The following CNTN4 variants were observed in gnomAD, a reference collection of about 807,000 sequenced individuals.
CNTN4 encodes contactin-4.
A neutral mutation model predicts 122.5 loss-of-function variants in CNTN4; 77 were observed. The observed-to-expected ratio is 0.63, with a 90% confidence interval of 0.52 to 0.76. CNTN4 has a LOEUF of 0.76. CNTN4 is among the 30% of genes least tolerant of loss of function. The pLI, the probability that CNTN4 is intolerant of heterozygous loss-of-function variation, is 0.00. For missense variants in CNTN4, 1,256 were observed against 1,259.1 expected, an observed-to-expected ratio of 1.00 and a Z score of 0.04; for synonymous variants, 512 against 447.0, an observed-to-expected ratio of 1.15 and a Z score of -1.83.
At chr3:2,352,207 C>T (rs894695937) in intron 3 of CNTN4, among the ~76,000 whole-genome samples, 3 of 151,924 alleles carry the variant, frequency 2.0e-5, no homozygotes, top group Non-Finnish European at 2.9e-5. Context: ...TGGCTAACAC[C>T]GTGAAACGCC....
intron 2 of CNTN4, among the ~76,000 whole-genome samples, chr3:2,191,361 T>C (rs979904661): frequency 6.6e-6 from 1 of 151,916 alleles, no homozygotes; most frequent in African/African-American, 2.4e-5. Flanking sequence ...CTGATCAGTA[T>C]AGCCCCTACA....
intron 2 of CNTN4, among the ~76,000 whole-genome samples, chr3:2,173,138 C>T (rs567609905): frequency 5.5e-4 from 84 of 152,250 alleles, no homozygotes; most frequent in African/African-American, 1.9e-3. Context: ...CAAAAGAGAA[C>T]AGAAATACAG....
intron 3 of CNTN4, among the ~76,000 whole-genome samples, chr3:2,342,646 G>T (rs2150376195): frequency 6.6e-6 from 1 of 152,238 alleles, no homozygotes; most frequent in East Asian, 1.9e-4. Flanking sequence ...AGTATTAGAA[G>T]GGTCTTTCCC....
chr3:2,828,093 TTCTC>T (rs759894601), intron 7 of CNTN4, among the ~76,000 whole-genome samples: 30 of 150,864 alleles, frequency 2.0e-4, no homozygotes, highest in Admixed American at 8.6e-4. Flanking sequence ...AGTCATCTCA[TTCTC>T]TCTCTCTCTC....
intron 2 of CNTN4, among the ~76,000 whole-genome samples, chr3:2,191,948 C>T (rs1283032975): frequency 6.6e-6 from 1 of 151,464 alleles, no homozygotes; most frequent in African/African-American, 2.4e-5. Context: ...TCTCATTGTT[C>T]AGTTCCCACC....
chr3:2,817,312 T>G (rs894530061), intron 6 of CNTN4, among the ~76,000 whole-genome samples: 2 of 152,218 alleles, frequency 1.3e-5, no homozygotes, highest in Non-Finnish European at 2.9e-5. Context: ...CCATGGTATG[T>G]AGACCTGCCC....
chr3:2,367,716 C>T (rs1016228875), intron 3 of CNTN4, among the ~76,000 whole-genome samples: 1 of 152,138 alleles, frequency 6.6e-6, no homozygotes, highest in Non-Finnish European at 1.5e-5. Context: ...AACTCCTGAC[C>T]TCAGGCAATC....
At chr3:2,482,004 T>C (rs939385795) in intron 3 of CNTN4, among the ~76,000 whole-genome samples, 1 of 152,222 alleles carries the variant, frequency 6.6e-6, no homozygotes, top group Non-Finnish European at 1.5e-5. Context: ...AGTAAATTGG[T>C]ACTGCAGAGA....
intron 2 of CNTN4, among the ~76,000 whole-genome samples, chr3:2,205,092 G>A (rs1449664522): frequency 6.6e-6 from 1 of 151,810 alleles, no homozygotes; most frequent in East Asian, 1.9e-4. Flanking sequence ...AAGAGGTCAT[G>A]TAAACACCAA....
At chr3:2,473,722 A>G (rs752640736) in intron 3 of CNTN4, among the ~76,000 whole-genome samples, 1 of 152,122 alleles carries the variant, frequency 6.6e-6, no homozygotes, top group African/African-American at 2.4e-5. Flanking sequence ...ACAGTATACA[A>G]CATTTGCCGG....
intron 2 of CNTN4, among the ~76,000 whole-genome samples, chr3:2,105,058 G>A (rs886740905): frequency 2.5e-4 from 38 of 152,248 alleles, no homozygotes; most frequent in African/African-American, 9.1e-4. Flanking sequence ...GAACAGGCAT[G>A]GACCCAGTGA....
chr3:2,911,118 A>G (rs980109781), intron 12 of CNTN4, among the ~76,000 whole-genome samples: 1 of 150,206 alleles, frequency 6.7e-6, no homozygotes, highest in Non-Finnish European at 1.5e-5. Flanking sequence ...GGGAAGTACT[A>G]CCTAAGGGAG....
At chr3:2,721,635 C>G (rs1306045223) in intron 4 of CNTN4, among the ~76,000 whole-genome samples, 1 of 152,176 alleles carries the variant, frequency 6.6e-6, no homozygotes, top group African/African-American at 2.4e-5. Context: ...TGCAAACACA[C>G]TAAGCACCCT....
chr3:2,293,632 G>C (rs138411834), intron 2 of CNTN4, among the ~76,000 whole-genome samples: 160 of 152,198 alleles, frequency 1.1e-3, no homozygotes, highest in African/African-American at 3.8e-3. Flanking sequence ...TAAATGTGTT[G>C]GCTGTTATTA....
intron 12 of CNTN4, among the ~76,000 whole-genome samples, chr3:2,912,843 T>C (rs28816995): frequency 6.8e-4 from 103 of 152,298 alleles, no homozygotes; most frequent in African/African-American, 2.4e-3. Context: ...TGAAAACATA[T>C]CATTTTTAAA....
chr3:2,445,500 A>G (rs777343430), intron 3 of CNTN4, among the ~76,000 whole-genome samples: 4 of 152,204 alleles, frequency 2.6e-5, no homozygotes, highest in Non-Finnish European at 4.4e-5. Context: ...TCTATAGACT[A>G]TCTTGCCGCT....
At chr3:2,437,319 A>T (rs1352519634) in intron 3 of CNTN4, among the ~76,000 whole-genome samples, 1 of 152,310 alleles carries the variant, frequency 6.6e-6, no homozygotes. Flanking sequence ...CTACTCCATT[A>T]GTGTCCCTTA....
chr3:2,171,640 C>G (rs899877741), intron 2 of CNTN4, among the ~76,000 whole-genome samples: 4 of 152,182 alleles, frequency 2.6e-5, no homozygotes, highest in Admixed American at 2.0e-4. Flanking sequence ...CAAACCAATT[C>G]TTAGAGATAT....
intron 2 of CNTN4, among the ~76,000 whole-genome samples, chr3:2,338,096 C>T (rs552270543): frequency 6.6e-6 from 1 of 152,102 alleles, no homozygotes; most frequent in East Asian, 1.9e-4. Context: ...CATTTTCTTA[C>T]ACATGTCATC....
Sources: gnomAD v4.1 joint callset for allele counts (sites outside exome capture counted in the v4.1 genomes callset) on GRCh38, gnomAD v4.1.1 for gene constraint, MANE v1.5 for transcripts, NCBI Gene and HGNC (gene_info 2026-07-23, HGNC 2026-07-21) for gene names.